Variants in ADAMTS19 observed in about 807,000 individuals in gnomAD.
ADAMTS19 encodes the protein A disintegrin and metalloproteinase with thrombospondin motifs 19.
A neutral mutation model predicts 153.3 loss-of-function variants in ADAMTS19; 93 were observed. That is an observed-to-expected ratio of 0.61 (90% CI 0.51 to 0.72). The LOEUF (loss-of-function observed/expected upper bound fraction) is 0.72, where lower values mean the gene tolerates loss of function less well. Ranked by LOEUF, ADAMTS19 falls within the 30% of genes least tolerant of loss-of-function variation. ADAMTS19 has a pLI of 0.00. For synonymous variants in ADAMTS19, 600 were observed against 556.6 expected (o/e 1.08, Z -1.10); for missense variants, 1,482 against 1,552.1 (o/e 0.95, Z 0.76).
At chr5:129,529,112 A>C (rs558627624) in intron 6 of ADAMTS19, among the ~76,000 whole-genome samples, 177 of 152,258 alleles carry the variant, frequency 1.2e-3, no homozygotes, top group Admixed American at 3.0e-3. Context: ...CTGACTGATT[A>C]ATTATAAGCT....
At chr5:129,521,203 C>G (rs1488307143) in intron 3 of ADAMTS19, among the ~76,000 whole-genome samples, 3 of 151,954 alleles carry the variant, frequency 2.0e-5, no homozygotes, top group Non-Finnish European at 4.4e-5. Flanking sequence ...ATTATTTACT[C>G]TAGGTTTTAG....
chr5:129,700,138 T>C (rs1012911163), intron 19 of ADAMTS19, among the ~76,000 whole-genome samples: 2 of 152,232 alleles, frequency 1.3e-5, no homozygotes, highest in Non-Finnish European at 2.9e-5. Flanking sequence ...AGAATCACTT[T>C]TCTGTCATAG....
chr5:129,625,687 G>T (rs1463959013), intron 10 of ADAMTS19, among the ~76,000 whole-genome samples: 2 of 152,110 alleles, frequency 1.3e-5, no homozygotes, highest in African/African-American at 4.8e-5. Flanking sequence ...TTTTAATGGG[G>T]TTGTTTGATT....
At chr5:129,730,056 A>ATATT (rs1757370887) in intron 21 of ADAMTS19, among the ~76,000 whole-genome samples, 1 of 152,132 alleles carries the variant, frequency 6.6e-6, no homozygotes, top group African/African-American at 2.4e-5. Context: ...GTTCTATGTA[A>ATATT]TATTAATCCC....
chr5:129,567,742 C>T (rs1220945171), intron 7 of ADAMTS19, among the ~76,000 whole-genome samples: 1 of 151,494 alleles, frequency 6.6e-6, no homozygotes, highest in Non-Finnish European at 1.5e-5. Flanking sequence ...ATCATGGGCT[C>T]CAGGAGAAGA....
Position 129,461,396 on chromosome 5 carries a change from C to T in ADAMTS19, c.386C>T (p.Pro129Leu). 7.4e-7 allele frequency: 1 copy of T among 1,354,170 alleles called. No homozygotes were observed. Among genetic ancestry groups the T allele is most frequent in the Non-Finnish European group, 9.4e-7 (1 of 1,064,936 alleles). 83.9% of individuals were successfully genotyped at this position (1,354,170 alleles called of 1,614,324 possible). The change falls in exon 2 of 23, where the codon CCG (proline) becomes CTG (leucine). Residue 129 changes from proline (P) to leucine (L), a missense_variant. Physicochemically the swap from Pro to Leu is moderately conservative, Grantham distance 98. Transcript: ENST00000274487. The surrounding 1 kb of genome is among the most constrained non-coding windows in gnomAD (Gnocchi z 4.6). ...EDEELESQEL[P>L]RGSSGAAALS... ...GAGGAGCTCGAGTCGCAGGAGCTGC[C>T]GCGGGGATCCAGCGGGGCTGCCGCC... is the stretch of plus-strand genomic sequence containing the variant.
chr5:129,681,999 TC>T (rs34838949), intron 17 of ADAMTS19, among the ~76,000 whole-genome samples: 8 of 152,156 alleles, frequency 5.3e-5, no homozygotes, highest in Non-Finnish European at 7.4e-5. Context: ...AAATGTAACC[TC>T]CCCTGTTTTT....
chr5:129,719,936 A>T (rs999956800), intron 21 of ADAMTS19, among the ~76,000 whole-genome samples: 3 of 152,078 alleles, frequency 2.0e-5, no homozygotes, highest in Non-Finnish European at 2.9e-5. Flanking sequence ...GCTACTTGGA[A>T]GGCTGAAGCG....
At position 129,596,632 on chromosome 5, in the gene ADAMTS19, T is replaced by C. The variant is rs148792148; in HGVS notation, c.1446T>C (p.Leu482=). ...TTGCTGAAGACAATGGCTTGAATCT[T>C]GCTTTTACAATTGCTCATGAAATGG... is the stretch of plus-strand genomic sequence containing the variant. ...CIIAEDNGLN[L]AFTIAHEMGH... The change falls in exon 8 of 23, where the codon CTT becomes CTC. Residue 482 remains leucine (L), a synonymous_variant. Coordinates refer to ENST00000274487, the MANE Select transcript of ADAMTS19 (RefSeq NM_133638.6). The C allele has an allele frequency of 9.2e-5, 148 of 1,607,762 alleles. No homozygotes were observed. The African/African-American group carries it at 1.8e-3, about 20-fold the overall frequency.
intron 10 of ADAMTS19, among the ~76,000 whole-genome samples, chr5:129,639,917 T>C (rs1451913634): frequency 6.6e-6 from 1 of 152,150 alleles, no homozygotes; most frequent in Non-Finnish European, 1.5e-5. Context: ...CTTAAATGTC[T>C]CCACAAAAGT....
At chr5:129,662,828 A>G (rs1753869443) in intron 15 of ADAMTS19, among the ~76,000 whole-genome samples, 1 of 151,102 alleles carries the variant, frequency 6.6e-6, no homozygotes. Flanking sequence ...AGATATTCTC[A>G]TCCATAGGGT....
At chr5:129,579,148 A>G (rs1749366662) in intron 7 of ADAMTS19, among the ~76,000 whole-genome samples, 1 of 152,150 alleles carries the variant, frequency 6.6e-6, no homozygotes, top group Non-Finnish European at 1.5e-5. Context: ...CTGGCGTGAG[A>G]TAGTATCTCA....
At chr5:129,681,950 T>A (rs1262039029) in intron 17 of ADAMTS19, among the ~76,000 whole-genome samples, 2 of 152,218 alleles carry the variant, frequency 1.3e-5, no homozygotes, top group African/African-American at 4.8e-5. Context: ...GTTTAATGAT[T>A]GTATTGCATA....
intron 21 of ADAMTS19, among the ~76,000 whole-genome samples, chr5:129,714,989 A>C (rs1756659127): frequency 6.6e-6 from 1 of 152,160 alleles, no homozygotes; most frequent in African/African-American, 2.4e-5. Flanking sequence ...TTTATAGATA[A>C]ATACATGCTG....
intron 8 of ADAMTS19, among the ~76,000 whole-genome samples, chr5:129,611,773 C>T (rs1258591487): frequency 6.6e-6 from 1 of 151,854 alleles, no homozygotes; most frequent in Non-Finnish European, 1.5e-5. Flanking sequence ...AGAAGAACAA[C>T]TCCAAGACAC....
intron 21 of ADAMTS19, among the ~76,000 whole-genome samples, chr5:129,712,357 T>C (rs959960277): frequency 6.6e-6 from 1 of 152,204 alleles, no homozygotes; most frequent in Non-Finnish European, 1.5e-5. Context: ...AAGAAACATT[T>C]TACATTTTAT....
At chr5:129,549,039 G>C (rs1218797237) in intron 6 of ADAMTS19, among the ~76,000 whole-genome samples, 1 of 93,936 alleles carries the variant, frequency 1.1e-5, no homozygotes, top group Non-Finnish European at 1.9e-5. Flanking sequence ...GGTGGGGGGA[G>C]GGGGGAGGGA....
intron 11 of ADAMTS19, among the ~76,000 whole-genome samples, chr5:129,644,995 A>G (rs1335940750): frequency 6.6e-6 from 1 of 152,178 alleles, no homozygotes; most frequent in Non-Finnish European, 1.5e-5. Flanking sequence ...CAATATATGT[A>G]CAAGATTTGA....
intron 2 of ADAMTS19, among the ~76,000 whole-genome samples, chr5:129,507,931 T>C (rs1751318133): frequency 6.6e-6 from 1 of 151,910 alleles, no homozygotes; most frequent in African/African-American, 2.4e-5. Context: ...TGCAATGAGG[T>C]AGAATATTGG....
Sources: allele counts gnomAD v4.1 joint callset (sites outside exome capture counted in the v4.1 genomes callset), GRCh38; gene constraint gnomAD v4.1.1; non-coding constraint Gnocchi (gnomAD v3.1); transcripts MANE v1.5; gene names NCBI Gene and HGNC (gene_info 2026-07-23, HGNC 2026-07-21).